Variants in STK11IP observed in about 807,000 individuals in gnomAD.
STK11IP encodes the protein serine/threonine-protein kinase 11-interacting protein.
A neutral mutation model predicts 131.7 loss-of-function variants in STK11IP; 103 were observed. That is an observed-to-expected ratio of 0.78 (90% CI 0.67 to 0.92). The LOEUF is 0.92. Among genes scored for constraint, STK11IP ranks in the 40% least tolerant of loss-of-function variants. The pLI is 0.00. For missense variants in STK11IP, 1,315 were observed against 1,385.7 expected (o/e 0.95, Z 0.81); for synonymous variants, 557 against 575.6 (o/e 0.97, Z 0.46).
chr2:219,601,317 C>T lies in STK11IP; in HGVS notation c.144C>T (p.His48=), dbSNP rs75826247. ...AGCTGAACCACGTATTTGAGCTGCA[C>T]CTGGGGCCATGGGGCCCTGGCCAGA... ...LQQLNHVFEL[H]LGPWGPGQTG... Residue 48 remains histidine, a synonymous_variant, in exon 3 of 25, where the codon CAC becomes CAT. Transcript: ENST00000456909. 1,776 of 1,614,082 alleles carry T rather than the reference C, an allele frequency of 1.1e-3. 21 individuals are homozygous for T. In the African/African-American group the frequency reaches 0.019, roughly 17 times the overall value.
At position 219,602,750 on chromosome 2, in the gene STK11IP, G is replaced by A; in HGVS notation, c.592G>A (p.Val198Ile). 1.2e-6 allele frequency: 2 copies of A among 1,612,422 alleles called. No individual in the cohort carries two copies. The highest frequency in any genetic ancestry group is 1.7e-6 in the Non-Finnish European group (2 of 1,179,286). The part of the protein sequence containing the change: ...LRFLNLSHNQ[V>I]QDCQGFLMDL... Reference sequence around the variant, plus strand: ...TTTCTTGAACCTAAGCCACAATCAAGTCCAGGACTGTCAGGGATTCCTGAT... The same window carrying A: ...TTTCTTGAACCTAAGCCACAATCAAATCCAGGACTGTCAGGGATTCCTGAT... The change falls in exon 7 of 25, where the codon GTC becomes ATC. Residue 198 changes from valine to isoleucine, a missense_variant. Val to Ile is a conservative substitution (Grantham distance 29). Coordinates refer to ENST00000456909, the MANE Select transcript of STK11IP (RefSeq NM_052902.4).
In STK11IP at chr2:219,613,739, C is replaced by G; in HGVS notation, c.2538-13C>G. 1.9e-6 allele frequency: 3 copies of G among 1,612,246 alleles called. No individual in the cohort carries two copies. The highest frequency in any genetic ancestry group is 2.5e-6 in the Non-Finnish European group (3 of 1,179,600). ...CTCATGCTTCTCCATTGCTCTGTCC[C>G]CTCTCTCCACAGTGAGCCTCCAGCT... On this transcript the variant is annotated splice_polypyrimidine_tract_variant and intron_variant, in intron 20 of 24. Coordinates refer to ENST00000456909, the MANE Select transcript of STK11IP (RefSeq NM_052902.4).
At chr2:219,607,745 G>C (rs1290880861) in intron 13 of STK11IP, among the ~76,000 whole-genome samples, 1 of 152,104 alleles carries the variant, frequency 6.6e-6, no homozygotes, top group Non-Finnish European at 1.5e-5. Context: ...AGAAGTTTGA[G>C]AAATGTGAGG....
At chr2:219,610,961 CGATCATA>C (rs1342293903) in intron 17 of STK11IP, among the ~76,000 whole-genome samples, 1 of 152,144 alleles carries the variant, frequency 6.6e-6, no homozygotes, top group African/African-American at 2.4e-5. Context: ...TGATGAAATG[CGATCATA>C]GTGGCATAGG....
chr2:219,610,084 T>A (rs2106161342), intron 17 of STK11IP: 1 of 157,202 alleles, frequency 6.4e-6, no homozygotes, highest in South Asian at 1.9e-4. Context: ...CAGCACTATC[T>A]TTGAAGAAGA....
chr2:219,609,146 A>G lies in STK11IP; in HGVS notation c.1859A>G (p.Tyr620Cys), dbSNP rs1698304592. 3 of 1,610,458 alleles carry G rather than the reference A, an allele frequency of 1.9e-6. No individual in the cohort carries two copies. Among genetic ancestry groups the G allele is most frequent in the Non-Finnish European group, 2.5e-6 (3 of 1,178,532 alleles). ...CCCATCCTCAGTCTGCGCTTCTCCT[A>G]CATCTGCCCTGACCGGCAGTTGCGT... ...GAPILSLRFSYICPDRQLRRY... is the reference protein window; with the variant it reads ...GAPILSLRFSCICPDRQLRRY... The change falls in exon 16 of 25, where the codon TAC becomes TGC. Residue 620 changes from tyrosine (Y) to cysteine (C), a missense_variant. Physicochemically the swap from Tyr to Cys is radical, Grantham distance 194. Coordinates refer to ENST00000456909, the MANE Select transcript of STK11IP (RefSeq NM_052902.4).
In STK11IP at chr2:219,606,708, C is replaced by A; in HGVS notation, c.988-4C>A. ...TCTCTCTCCTTCCTGTCGTCACGTG[C>A]CAGACTCACACATCCTTGGGGCTCA... On this transcript the variant is annotated splice_region_variant and splice_polypyrimidine_tract_variant and intron_variant, in intron 11 of 24. Transcript: ENST00000456909. 1 of 1,606,056 alleles carries A rather than the reference C, an allele frequency of 6.2e-7. No individual in the cohort carries two copies.
intron 7 of STK11IP, among the ~76,000 whole-genome samples, chr2:219,603,231 G>A (rs924264153): frequency 5.3e-5 from 8 of 151,866 alleles, no homozygotes; most frequent in South Asian, 2.1e-4. Flanking sequence ...TAGTAGAGAT[G>A]GGGTTTCACC....
At chr2:219,614,408 C>A (rs1490401129) in intron 22 of STK11IP, 68 bp from the exon 23 acceptor site, 99 of 1,568,544 alleles carry the variant, frequency 6.3e-5, no homozygotes, top group Non-Finnish European at 8.4e-5. Context: ...GCTTTCTTCC[C>A]ACTCCCCTCT....
intron 2 of STK11IP, among the ~76,000 whole-genome samples, chr2:219,598,704 A>G (rs2106141938): frequency 6.6e-6 from 1 of 152,332 alleles, no homozygotes; most frequent in Non-Finnish European, 1.5e-5. Context: ...CAAGTATAGT[A>G]ACTGCTTACA....
Position 219,602,576 on chromosome 2 carries a change from G to A in STK11IP, c.546+1G>A. On this transcript the variant is annotated splice_donor_variant, in intron 6 of 24. Transcript: ENST00000456909. LOFTEE classifies it high-confidence loss of function. ...ACTGACCGCCTTAGACAGCTCCCTGGTGAGTGCCTCAGAGGGAAGAGGGTT... is the reference window on the plus strand; with the variant it reads ...ACTGACCGCCTTAGACAGCTCCCTGATGAGTGCCTCAGAGGGAAGAGGGTT... 1 of 1,613,820 alleles carries A rather than the reference G, an allele frequency of 6.2e-7. No homozygotes were observed. Among genetic ancestry groups the A allele is most frequent in the East Asian group, 2.2e-5 (1 of 44,886 alleles).
rs1158045347 is a variant in STK11IP at position 219,606,815 on chromosome 2, C to T, written c.1091C>T (p.Ser364Phe). 1 of 1,613,694 alleles carries T rather than the reference C, an allele frequency of 6.2e-7. No individual in the cohort carries two copies. The highest frequency in any genetic ancestry group is 2.2e-5 in the East Asian group (1 of 44,874). The change falls in exon 12 of 25, where the codon TCC (serine) becomes TTC (phenylalanine). Residue 364 changes from serine (S) to phenylalanine (F), a missense_variant. Transcript: ENST00000456909. Reference protein sequence around the residue: ...SGGPDLSDSLSSGGVVTQPLL... With the variant: ...SGGPDLSDSLFSGGVVTQPLL... Reference sequence around the variant, plus strand: ...GGCCCTGACCTGAGTGACAGCCTCTCCTCAGGGGGTGTTGTGACCCAGCCC... The same window carrying T: ...GGCCCTGACCTGAGTGACAGCCTCTTCTCAGGGGGTGTTGTGACCCAGCCC...
Position 219,606,464 on chromosome 2 carries a change from G to A in STK11IP, c.946-12G>A, listed in dbSNP as rs369943499. 1.2e-6 allele frequency: 2 copies of A among 1,609,952 alleles called. No homozygotes were observed. The highest frequency in any genetic ancestry group is 2.7e-5 in the African/African-American group (2 of 74,846). ...TACCACATACTCCCTCCCCCTTTTT[G>A]TCTTTGCTCAGTTCCTTCTCGATGG... On this transcript the variant is annotated splice_polypyrimidine_tract_variant and intron_variant, in intron 10 of 24. Transcript: ENST00000456909.
Position 219,601,730 on chromosome 2 carries a change from G to A in STK11IP, c.342+15G>A, listed in dbSNP as rs139340272. On this transcript the variant is annotated intron_variant, in intron 4 of 24. Coordinates refer to ENST00000456909, the MANE Select transcript of STK11IP (RefSeq NM_052902.4). ...GGCACCTGGAGGTATGGGGACACGG[G>A]GGGATGTTGGTGCACAGCACCCAAC... The A allele has an allele frequency of 8.2e-6, 13 of 1,589,012 alleles. No individual in the cohort carries two copies. The African/African-American group carries it at 1.6e-4, about 20-fold the overall frequency.
chr2:219,600,671 A>G (rs1697956540), intron 2 of STK11IP, among the ~76,000 whole-genome samples: 1 of 152,216 alleles, frequency 6.6e-6, no homozygotes, highest in Non-Finnish European at 1.5e-5. Flanking sequence ...AGCAATAACA[A>G]TGCCTTAGTG....
rs769768761 is a variant in STK11IP, at chr2:219,608,610, G to A, written c.1631G>A (p.Cys544Tyr). ...GAACTCTGTCGCCCCTTGTTGGTGT[G>A]TCCCCTGGAGGGGCCTGAGGGCGTA... ...EAELCRPLLV[C>Y]PLEGPEGVRG... is the part of the protein sequence containing the mutation. The change falls in exon 15 of 25, where the codon TGT (cysteine) becomes TAT (tyrosine). Residue 544 changes from cysteine to tyrosine, a missense_variant. Cys to Tyr is a radical substitution (Grantham distance 194). Transcript: ENST00000456909. The A allele has an allele frequency of 6.8e-6, 11 of 1,606,030 alleles. No individual in the cohort carries two copies. In the South Asian group the frequency reaches 1.2e-4, roughly 18 times the overall value.
Position 219,602,458 on chromosome 2 carries a change from G to A in STK11IP, c.439-10G>A, listed in dbSNP as rs1011318686. On this transcript the variant is annotated splice_polypyrimidine_tract_variant and intron_variant, in intron 5 of 24. Coordinates refer to ENST00000456909, the MANE Select transcript of STK11IP (RefSeq NM_052902.4). The stretch of plus-strand genomic sequence containing the variant: ...GGGTGGGGTAATGAAGCACCCATCT[G>A]TCTGCTCAGGAGCTCCTCTCAGCCT... The A allele has an allele frequency of 6.2e-7, 1 of 1,610,412 alleles. No individual in the cohort carries two copies. The highest frequency in any genetic ancestry group is 1.3e-5 in the African/African-American group (1 of 74,956).
rs746197106 is a variant in STK11IP, at chr2:219,608,321, AGAGGAGAAGGAGGGGAAG to A, written c.1508_1525del (p.Gly503_Glu508del). The A allele has an allele frequency of 1.2e-5, 20 of 1,604,404 alleles. No homozygotes were observed. In the South Asian group the frequency reaches 1.3e-4, roughly 11 times the overall value. On this transcript the variant is annotated inframe_deletion, in exon 14 of 25. Transcript: ENST00000456909. Reference sequence around the variant, plus strand: ...TCAGGGCGGAGCCACAGGAGGAGGAAGAGGAGAAGGAGGGGAAGGAGGAGAAGGAGGAGGGGGAGATGG... The same window carrying A: ...TCAGGGCGGAGCCACAGGAGGAGGAAGAGGAGAAGGAGGAGGGGGAGATGG...
At chr2:219,614,344 C>T (rs922028825) in intron 22 of STK11IP, 102 bp downstream of exon 22, 11 of 1,526,008 alleles carry the variant, frequency 7.2e-6, no homozygotes, top group African/African-American at 2.7e-5. Context: ...AGCCACCTGT[C>T]CTCATGCCAT....
Sources: gnomAD v4.1 joint callset for allele counts (sites outside exome capture counted in the v4.1 genomes callset) on GRCh38, gnomAD v4.1.1 for gene constraint, MANE v1.5 for transcripts, NCBI Gene and HGNC (gene_info 2026-07-23, HGNC 2026-07-21) for gene names.